The following HDGFL2 variants were observed in gnomAD, a reference collection of about 807,000 sequenced individuals.
HDGFL2 encodes the protein hepatoma-derived growth factor-related protein 2.
In HDGFL2, 36 loss-of-function variants were observed where a neutral mutation model predicts 77.1. That is an observed-to-expected ratio of 0.47 (90% CI 0.36 to 0.62). The LOEUF is 0.62. Among genes scored for constraint, HDGFL2 ranks in the 20% least tolerant of loss-of-function variants. The probability of loss-of-function intolerance (pLI) is 0.00; values close to 1 mark genes in which losing one functional copy is unlikely to be tolerated. For missense variants in HDGFL2, 976 were observed against 973.4 expected (o/e 1.00, Z -0.04); for synonymous variants, 463 against 413.1 (o/e 1.12, Z -1.46).
chr19:4,499,446 G>GT, intron 13 of HDGFL2, 45 bp from the exon 14 acceptor site: 1 of 1,578,778 alleles, frequency 6.3e-7, no homozygotes, highest in South Asian at 1.1e-5. Flanking sequence ...CCGGGGCTAG[G>GT]GCCGCTGCAC....
At chr19:4,479,579 T>TAAA (rs566085453) in intron 3 of HDGFL2, among the ~76,000 whole-genome samples, 4 of 121,998 alleles carry the variant, frequency 3.3e-5, no homozygotes, top group East Asian at 2.5e-4. Flanking sequence ...AGATTCCATC[T>TAAA]AAAAAAAAAA....
At chr19:4,482,396 G>C (rs1315101692) in intron 3 of HDGFL2, among the ~76,000 whole-genome samples, 1 of 152,064 alleles carries the variant, frequency 6.6e-6, no homozygotes, top group Non-Finnish European at 1.5e-5. Flanking sequence ...TTTTAGTAGA[G>C]ATGGGGTTTC....
chr19:4,493,234 CTG>C (rs778470649), intron 6 of HDGFL2, among the ~76,000 whole-genome samples: 9 of 104,424 alleles, frequency 8.6e-5, no homozygotes, highest in East Asian at 2.7e-4. Flanking sequence ...TGTGTGGTAT[CTG>C]TGTGGTATGT....
intron 7 of HDGFL2, 30 bp downstream of exon 7, chr19:4,493,892 G>T: frequency 2.0e-6 from 3 of 1,511,514 alleles, no homozygotes; most frequent in Non-Finnish European, 2.7e-6. Context: ...ACATCTCTTG[G>T]CCTGGCCCCT....
intron 13 of HDGFL2, 110 bp from the exon 14 acceptor site, chr19:4,499,381 G>A (rs1021007452): frequency 2.4e-5 from 21 of 864,782 alleles, no homozygotes; most frequent in Non-Finnish European, 3.7e-5. Flanking sequence ...GCACAGAGCT[G>A]TGCTCCCGGG....
rs374961834 is a variant in HDGFL2 at position 4,491,795 on chromosome 19, G to A, written c.638G>A (p.Arg213Gln). The change falls in exon 6 of 16, where the codon CGG becomes CAG. Residue 213 changes from arginine (R) to glutamine (Q), a missense_variant. By Grantham distance (43) the Arg-to-Gln change is conservative (BLOSUM62 1). Coordinates refer to ENST00000616600, the MANE Select transcript of HDGFL2 (RefSeq NM_001001520.3). ...DFTPEKKAAV[R>Q]APRRGPLGGR... Reference sequence around the variant, plus strand: ...ACACCTGAGAAGAAAGCAGCGGTCCGGGCGCCACGGAGGGGCCCTCTGGGG... The same window carrying A: ...ACACCTGAGAAGAAAGCAGCGGTCCAGGCGCCACGGAGGGGCCCTCTGGGG... 156 of 1,614,010 alleles carry A rather than the reference G, an allele frequency of 9.7e-5. No homozygotes were observed. In the East Asian group the frequency reaches 1.9e-3, roughly 20 times the overall value.
At chr19:4,495,020 G>A (rs181636095) in intron 9 of HDGFL2, among the ~76,000 whole-genome samples, 1 of 152,054 alleles carries the variant, frequency 6.6e-6, no homozygotes, top group African/African-American at 2.4e-5. Context: ...TGGGGTGGGG[G>A]GTTTCTCTTT....
At chr19:4,475,921 G>A (rs1459303588) in intron 3 of HDGFL2, among the ~76,000 whole-genome samples, 3 of 148,452 alleles carry the variant, frequency 2.0e-5, no homozygotes, top group Non-Finnish European at 4.4e-5. Context: ...ACAGAGTCTC[G>A]CTCTGTTGTC....
At chr19:4,474,968 A>G (rs920240032) in intron 1 of HDGFL2, 20 of 314,256 alleles carry the variant, frequency 6.4e-5, no homozygotes, top group Admixed American at 3.7e-4. Context: ...CTGGGAGTCC[A>G]TAGACGCTGA....
In HDGFL2 at chr19:4,494,455, G is replaced by T; in HGVS notation, c.1204G>T (p.Glu402Ter). 1 of 1,397,328 alleles carries T rather than the reference G, an allele frequency of 7.2e-7. No homozygotes were observed. The highest frequency in any genetic ancestry group is 9.3e-7 in the Non-Finnish European group (1 of 1,080,834). The allele number at this position is 1,397,328 out of a possible 1,614,324, so 86.6% of individuals were successfully genotyped here. ...GPPSSSDSEP[E>*]AELEREAKKS... ...CCCGTCCTCCTCTGACTCCGAGCCC[G>T]AGGCCGAGCTGGAGAGAGAGGTGAG... is the stretch of plus-strand genomic sequence containing the variant. The change falls in exon 9 of 16, where the codon GAG becomes TAG. Residue 402 changes from glutamate to a stop codon, truncating the protein, a stop_gained. Coordinates refer to ENST00000616600, the MANE Select transcript of HDGFL2 (RefSeq NM_001001520.3). LOFTEE classifies it high-confidence loss of function.
intron 4 of HDGFL2, among the ~76,000 whole-genome samples, chr19:4,489,278 G>A (rs543106244): frequency 1.4e-5 from 2 of 143,140 alleles, no homozygotes; most frequent in Admixed American, 7.0e-5. Context: ...TTTTTGAGAT[G>A]GAGTTCCCTC....
chr19:4,472,755 G>A lies in HDGFL2; in HGVS notation c.72+333G>A, dbSNP rs1599693411. 2.0e-5 allele frequency among the ~76,000 whole-genome samples: 3 copies of A among 150,122 alleles called. No individual in the cohort carries two copies. The South Asian group carries it at 6.4e-4, about 32-fold the overall frequency. ...CTGGGCTGCAGGGAGCCGCGTTCTT[G>A]TGGTCTGGTGGTGTTCGGATCCTGC... On this transcript the variant is annotated intron_variant, in intron 1 of 15. Transcript: ENST00000616600.
chr19:4,483,599 CG>C (rs1432466647), intron 3 of HDGFL2, among the ~76,000 whole-genome samples: 1 of 152,056 alleles, frequency 6.6e-6, no homozygotes, highest in Non-Finnish European at 1.5e-5. Flanking sequence ...CGGTCACAAA[CG>C]TGGGCCTTAC....
chr19:4,487,278 A>T (rs1975387063), intron 3 of HDGFL2, among the ~76,000 whole-genome samples: 1 of 149,396 alleles, frequency 6.7e-6, no homozygotes, highest in Admixed American at 6.7e-5. Context: ...TCTCTTACAA[A>T]CGGGGTCTTG....
Position 4,494,413 on chromosome 19 carries a change from G to C in HDGFL2, c.1162G>C (p.Gly388Arg). The change falls in exon 9 of 16, where the codon GGC becomes CGC. Residue 388 changes from glycine (G) to arginine (R), a missense_variant. Gly to Arg is a moderately radical substitution (Grantham distance 125, BLOSUM62 -2). Transcript: ENST00000616600. ...DEPVKKRGRK[G>R]RGRGPPSSSD... ...GCCCGTCAAGAAGCGGGGACGCAAG[G>C]GCCGGGGCCGGGGTCCCCCGTCCTC... The C allele has an allele frequency of 1.4e-6, 2 of 1,403,432 alleles. No individual in the cohort carries two copies. The highest frequency in any genetic ancestry group is 1.8e-6 in the Non-Finnish European group (2 of 1,083,540). 86.9% of individuals were successfully genotyped at this position (1,403,432 alleles called of 1,614,324 possible).
chr19:4,477,904 A>G lies in HDGFL2; in HGVS notation c.288+2321A>G, dbSNP rs1975111156. Among the ~76,000 whole-genome samples, 4 of 151,884 alleles carry G rather than the reference A, an allele frequency of 2.6e-5. No homozygotes were observed. In the South Asian group the frequency reaches 8.3e-4, roughly 32 times the overall value. On this transcript the variant is annotated intron_variant, in intron 3 of 15. Transcript: ENST00000616600. The stretch of plus-strand genomic sequence containing the variant: ...AGACCAGCTTGGCCAAGATGGTGAA[A>G]CCCAGTATCTACTAAAAATACAAAA...
At chr19:4,490,928 C>T (rs772175532) in intron 4 of HDGFL2, among the ~76,000 whole-genome samples, 17 of 151,860 alleles carry the variant, frequency 1.1e-4, no homozygotes, top group Non-Finnish European at 1.9e-4. Flanking sequence ...TATCCTGCCT[C>T]GGCCTCCTGT....
intron 4 of HDGFL2, among the ~76,000 whole-genome samples, chr19:4,490,034 C>T (rs1975466037): frequency 6.6e-6 from 1 of 152,218 alleles, no homozygotes. Context: ...CTTCACCAAG[C>T]GTGACGTCCT....
intron 6 of HDGFL2, among the ~76,000 whole-genome samples, chr19:4,492,895 G>GTTGTATGGTAT (rs1555687414): frequency 7.8e-5 from 9 of 115,704 alleles, no homozygotes; most frequent in African/African-American, 2.2e-4. Flanking sequence ...TGTTATCTGT[G>GTTGTATGGTAT]GTGTGTGTGT....
Sources: gnomAD v4.1 joint callset for allele counts (sites outside exome capture counted in the v4.1 genomes callset) on GRCh38, gnomAD v4.1.1 for gene constraint, MANE v1.5 for transcripts, NCBI Gene and HGNC (gene_info 2026-07-23, HGNC 2026-07-21) for gene names.